Variants in FAM3B observed in about 807,000 individuals in gnomAD.
FAM3B encodes the protein FAM3 metabolism regulating signaling molecule B, also known as protein FAM3B.
FAM3B carries 29 observed loss-of-function variants against 28.4 expected under a neutral mutation model. The observed-to-expected ratio is 1.02, with a 90% CI of 0.76 to 1.39. FAM3B has a LOEUF of 1.39. FAM3B is among the 40% of genes most tolerant of loss of function. The pLI is 0.00. For synonymous variants in FAM3B, 91 were observed against 103.0 expected, an observed-to-expected ratio of 0.88 and a Z score of 0.71; for missense variants, 266 against 293.9, an observed-to-expected ratio of 0.91 and a Z score of 0.69.
intron 2 of FAM3B, among the ~76,000 whole-genome samples, chr21:41,330,391 A>G (rs1601358064): frequency 1.3e-5 from 2 of 152,194 alleles, no homozygotes; most frequent in East Asian, 1.9e-4. Context: ...CCCAACTGGT[A>G]TATATAGGGT....
At position 41,338,284 on chromosome 21, in the gene FAM3B, T is replaced by C. The variant is rs1049314213; in HGVS notation, c.164-94T>C. 6 of 1,461,674 alleles carry C rather than the reference T, an allele frequency of 4.1e-6. No individual in the cohort carries two copies. In the Admixed American group the frequency reaches 9.6e-5, roughly 23 times the overall value. 90.5% of individuals were successfully genotyped at this position (1,461,674 alleles called of 1,614,324 possible). ...TTTTCCGACCGCTGCTTGGAGTTTC[T>C]GGTATGAAGTGCTGGTGTTCTCCGC... On this transcript the variant is annotated intron_variant, in intron 2 of 7. Transcript: ENST00000357985.
At chr21:41,344,634 T>A in intron 4 of FAM3B, 100 bp downstream of exon 4, 1 of 866,544 alleles carries the variant, frequency 1.2e-6, no homozygotes, top group Non-Finnish European at 1.9e-6. Context: ...TGATTTAGTC[T>A]AGGTTTGTAT....
At chr21:41,333,350 T>A (rs1183662944) in intron 2 of FAM3B, among the ~76,000 whole-genome samples, 1 of 152,234 alleles carries the variant, frequency 6.6e-6, no homozygotes, top group African/African-American at 2.4e-5. Flanking sequence ...GATTGGATCA[T>A]GGGAGTGGAT....
At chr21:41,350,121 T>C (rs1176958287) in intron 7 of FAM3B, among the ~76,000 whole-genome samples, 3 of 152,122 alleles carry the variant, frequency 2.0e-5, no homozygotes, top group African/African-American at 7.2e-5. Context: ...CGGTCCTGTG[T>C]TAGTTTTGCG....
chr21:41,311,424 C>T (rs2088713401), intron 1 of FAM3B, among the ~76,000 whole-genome samples: 1 of 148,118 alleles, frequency 6.8e-6, no homozygotes, highest in South Asian at 2.2e-4. Flanking sequence ...GATCATGTCA[C>T]CTCACTCCAT....
intron 1 of FAM3B, among the ~76,000 whole-genome samples, chr21:41,318,176 G>T (rs1007098160): frequency 3.9e-5 from 6 of 152,136 alleles, no homozygotes; most frequent in African/African-American, 1.4e-4. Context: ...CACCAGGTTT[G>T]TATTTATCCA....
intron 2 of FAM3B, among the ~76,000 whole-genome samples, chr21:41,330,896 G>A (rs1162735168): frequency 1.3e-5 from 2 of 152,226 alleles, no homozygotes; most frequent in African/African-American, 4.8e-5. Context: ...TAATGCTGCA[G>A]TGAACCTGGG....
chr21:41,346,979 A>C, intron 5 of FAM3B, 34 bp from the exon 6 acceptor site: 5 of 1,599,206 alleles, frequency 3.1e-6, no homozygotes, highest in Non-Finnish European at 4.3e-6. Context: ...AGTGAACAGC[A>C]AAGACCCTAA....
intron 2 of FAM3B, among the ~76,000 whole-genome samples, chr21:41,329,262 G>GA (rs910726752): frequency 3.3e-5 from 5 of 152,112 alleles, no homozygotes; most frequent in South Asian, 2.1e-4. Flanking sequence ...GAAAACTCCA[G>GA]AAAAAAGCAA....
chr21:41,319,013 C>T (rs575764959), intron 1 of FAM3B, among the ~76,000 whole-genome samples: 1 of 152,324 alleles, frequency 6.6e-6, no homozygotes, highest in South Asian at 2.1e-4. Flanking sequence ...CTGCCTCAGC[C>T]TCCTGAGTAG....
intron 1 of FAM3B, among the ~76,000 whole-genome samples, chr21:41,310,830 C>G (rs1226611526): frequency 1.3e-5 from 2 of 152,200 alleles, no homozygotes; most frequent in Admixed American, 1.3e-4. Flanking sequence ...TAAGTAATGA[C>G]AAGTGTAAGT....
chr21:41,330,129 T>C (rs1365467497), intron 2 of FAM3B, among the ~76,000 whole-genome samples: 1 of 68,654 alleles, frequency 1.5e-5, no homozygotes, highest in African/African-American at 5.6e-5. Context: ...GTTATGTCTG[T>C]ATAGGAAAAA....
intron 7 of FAM3B, among the ~76,000 whole-genome samples, chr21:41,352,060 C>T (rs1474514231): frequency 6.6e-6 from 1 of 152,196 alleles, no homozygotes; most frequent in African/African-American, 2.4e-5. Flanking sequence ...TTCTCATCGC[C>T]TCCAGCATGG....
intron 7 of FAM3B, among the ~76,000 whole-genome samples, chr21:41,352,824 T>TAAATAAAC (rs1428789090): frequency 5.0e-4 from 76 of 151,630 alleles, no homozygotes; most frequent in South Asian, 1.5e-3. Context: ...AATAAATAAA[T>TAAATAAAC]AAAGGAAGAA....
At chr21:41,349,769 T>C (rs746626273) in intron 7 of FAM3B, among the ~76,000 whole-genome samples, 13 of 152,200 alleles carry the variant, frequency 8.5e-5, no homozygotes, top group Non-Finnish European at 8.8e-5. Flanking sequence ...CTAGACCTTC[T>C]GTGACCCCCT....
chr21:41,333,385 C>T (rs1224391261), intron 2 of FAM3B, among the ~76,000 whole-genome samples: 1 of 152,142 alleles, frequency 6.6e-6, no homozygotes, highest in East Asian at 1.9e-4. Context: ...TTAGCACCAT[C>T]TTCTTGGTGC....
At chr21:41,336,801 A>C (rs1394357695) in intron 2 of FAM3B, among the ~76,000 whole-genome samples, 1 of 152,160 alleles carries the variant, frequency 6.6e-6, no homozygotes, top group Non-Finnish European at 1.5e-5. Flanking sequence ...CTTCTTGATG[A>C]ATTCACTCCT....
Position 41,346,994 on chromosome 21 carries a change from G to C in FAM3B, c.398-19G>C. 1 of 1,612,894 alleles carries C rather than the reference G, an allele frequency of 6.2e-7. No individual in the cohort carries two copies. The highest frequency in any genetic ancestry group is 8.5e-7 in the Non-Finnish European group (1 of 1,178,912). ...AGTGAACAGCAAAGACCCTAAAACT[G>C]ACTTGCATCCCCCAATAGATAACTC... On this transcript the variant is annotated intron_variant, in intron 5 of 7. Coordinates refer to ENST00000357985, the MANE Select transcript of FAM3B (RefSeq NM_058186.4).
At chr21:41,311,254 ATAT>A (rs1568908554) in intron 1 of FAM3B, among the ~76,000 whole-genome samples, 322 of 28,126 alleles carry the variant, frequency 0.011, 1 homozygote, top group Non-Finnish European at 0.014. Flanking sequence ...AAAAAAAAAT[ATAT>A]ATATATATAT....
Sources: allele counts gnomAD v4.1 joint callset (sites outside exome capture counted in the v4.1 genomes callset), GRCh38; gene constraint gnomAD v4.1.1; transcripts MANE v1.5; gene names NCBI Gene and HGNC (gene_info 2026-07-23, HGNC 2026-07-21).